MMP11: variants seen among roughly 807,000 people sequenced by gnomAD.
MMP11 encodes stromelysin-3.
MMP11 carries 26 observed loss-of-function variants against 49.5 expected under a neutral mutation model. That is an observed-to-expected ratio of 0.52 (90% CI 0.38 to 0.73). The LOEUF (loss-of-function observed/expected upper bound fraction) is 0.73. Ranked by LOEUF, MMP11 falls within the 30% of genes least tolerant of loss-of-function variation. The probability of loss-of-function intolerance (pLI) is 0.00; values close to 1 mark genes in which losing one functional copy is unlikely to be tolerated. For missense variants in MMP11, 624 were observed against 671.2 expected (o/e 0.93, Z 0.78); for synonymous variants, 265 against 282.3 (o/e 0.94, Z 0.62).
rs758325053 is a variant in MMP11, at chr22:23,780,264, C to T, written c.339-95C>T. 159 of 1,513,002 alleles carry T rather than the reference C, an allele frequency of 1.1e-4. No homozygotes were observed. The highest frequency in any genetic ancestry group is 1.3e-4 in the Non-Finnish European group (145 of 1,106,216). The allele number at this position is 1,513,002 out of a possible 1,614,324, so 93.7% of individuals were successfully genotyped here. ...ACACCTGGCCTGTGTCCTGAGTGTT[C>T]ACACACCCACCAAGCATCCAGGGGC... On this transcript the variant is annotated intron_variant, in intron 2 of 7. Coordinates refer to ENST00000215743, the MANE Select transcript of MMP11 (RefSeq NM_005940.5). The surrounding 1 kb of genome is among the most constrained non-coding windows in gnomAD (Gnocchi z 4.6).
intron 1 of MMP11, among the ~76,000 whole-genome samples, chr22:23,774,033 C>T (rs897157711): frequency 1.3e-5 from 2 of 152,222 alleles, no homozygotes; most frequent in Non-Finnish European, 2.9e-5. Flanking sequence ...GTCTTGCCTC[C>T]TTCCCAGCCC....
intron 1 of MMP11, among the ~76,000 whole-genome samples, chr22:23,776,838 C>T (rs1328924344): frequency 6.8e-6 from 1 of 147,818 alleles, no homozygotes; most frequent in Non-Finnish European, 1.5e-5. Flanking sequence ...GATGGAGTCT[C>T]GCTCTGTCAC....
intron 2 of MMP11, 111 bp downstream of exon 2, chr22:23,779,527 A>G (rs1184307798): frequency 2.0e-6 from 2 of 981,722 alleles, no homozygotes; most frequent in African/African-American, 3.3e-5. Flanking sequence ...TTCGTGTCTA[A>G]CAGACCTGTG....
rs1456021715 is a variant in MMP11 at position 23,781,274 on chromosome 22, G to C, written c.940G>C (p.Gly314Arg). 1.1e-5 allele frequency: 17 copies of C among 1,611,886 alleles called. No individual in the cohort carries two copies. The highest frequency in any genetic ancestry group is 1.4e-5 in the Non-Finnish European group (16 of 1,180,030). ...IRGELFFFKA[G>R]FVWRLRGGQL... ...AGGCGAGCTCTTTTTCTTCAAAGCG[G>C]GCTTTGTGTGGCGCCTCCGTGGGGG... The change falls in exon 6 of 8, where the codon GGC becomes CGC. Residue 314 changes from glycine (G) to arginine (R), a missense_variant. By Grantham distance (125) the Gly-to-Arg change is moderately radical. Coordinates refer to ENST00000215743, the MANE Select transcript of MMP11 (RefSeq NM_005940.5).
chr22:23,772,996 G>A lies in MMP11; in HGVS notation c.108+18G>A, dbSNP rs1483804704. On this transcript the variant is annotated intron_variant, in intron 1 of 7. Coordinates refer to ENST00000215743, the MANE Select transcript of MMP11 (RefSeq NM_005940.5). ...TGCCGCCGGTGAGTGCCCGCCACTC[G>A]CCGGCCGCTCCTCGCTGAGGGGGCG... is the stretch of plus-strand genomic sequence containing the variant. 3 of 1,177,994 alleles carry A rather than the reference G, an allele frequency of 2.5e-6. No homozygotes were observed. Among genetic ancestry groups the A allele is most frequent in the Non-Finnish European group, 3.1e-6 (3 of 953,730 alleles). 73.0% of individuals were successfully genotyped at this position (1,177,994 alleles called of 1,614,324 possible).
intron 1 of MMP11, among the ~76,000 whole-genome samples, chr22:23,775,324 C>T (rs951523166): frequency 2.7e-5 from 4 of 149,668 alleles, no homozygotes; most frequent in African/African-American, 9.9e-5. Flanking sequence ...CCAGTGGTGG[C>T]CTGTGTCTAC....
rs62642534 is a variant in MMP11, at chr22:23,782,272, C to T, written c.1122C>T (p.Pro374=). ...ACGGTGAAAAGCCAGTCCTGGGCCC[C>T]GCACCCCTCACCGAGCTGGGCCTGG... is the stretch of plus-strand genomic sequence containing the variant. ...VYDGEKPVLG[P]APLTELGLVR... is the part of the protein sequence containing the mutation. Residue 374 remains proline, a synonymous_variant, in exon 7 of 8, where the codon CCC becomes CCT. Coordinates refer to ENST00000215743, the MANE Select transcript of MMP11 (RefSeq NM_005940.5). The T allele has an allele frequency of 7.2e-4, 1,169 of 1,613,720 alleles. 4 individuals carry two copies. In the African/African-American group the frequency reaches 0.012, roughly 17 times the overall value.
intron 1 of MMP11, among the ~76,000 whole-genome samples, chr22:23,774,608 C>T (rs1293047928): frequency 6.6e-6 from 1 of 152,082 alleles, no homozygotes; most frequent in Non-Finnish European, 1.5e-5. Flanking sequence ...GAGAAGATAT[C>T]CCTGCTTGCC....
Position 23,783,405 on chromosome 22 carries a change from T to A in MMP11, c.1334-6T>A. On this transcript the variant is annotated splice_polypyrimidine_tract_variant and splice_region_variant and intron_variant, in intron 7 of 7. Transcript: ENST00000215743. ...TCGCCCAGGCTTGACCACCTTCTCT[T>A]CTCAGGCTATGCCTACTTCCTGCGC... 1 of 1,613,962 alleles carries A rather than the reference T, an allele frequency of 6.2e-7. No individual in the cohort carries two copies. The highest frequency in any genetic ancestry group is 1.1e-5 in the South Asian group (1 of 91,080).
At chr22:23,782,635 C>A (rs370334160) in intron 7 of MMP11, 152 bp downstream of exon 7, 31 of 932,310 alleles carry the variant, frequency 3.3e-5, no homozygotes, top group Middle Eastern at 3.4e-4. Context: ...TCTCGGTGGC[C>A]GGCTAGTGCT....
chr22:23,780,062 C>A lies in MMP11; in HGVS notation c.339-297C>A. 2.2e-6 allele frequency: 1 copy of A among 450,818 alleles called. No homozygotes were observed. The highest frequency in any genetic ancestry group is 4.0e-6 in the Non-Finnish European group (1 of 247,658). 27.9% of individuals were successfully genotyped at this position (450,818 alleles called of 1,614,324 possible). ...TGGGAACCAACAGGGGCTCAAGGAA[C>A]CAAGGTGTCCCCACAGTAAGTGGCA... On this transcript the variant is annotated intron_variant, in intron 2 of 7. Coordinates refer to ENST00000215743, the MANE Select transcript of MMP11 (RefSeq NM_005940.5). The surrounding 1 kb of genome is among the most constrained non-coding windows in gnomAD (Gnocchi z 4.6).
Position 23,772,862 on chromosome 22 carries a change from C to G in MMP11, c.-9C>G. 1 of 1,152,738 alleles carries G rather than the reference C, an allele frequency of 8.7e-7. No individual in the cohort carries two copies. The highest frequency in any genetic ancestry group is 1.1e-6 in the Non-Finnish European group (1 of 937,338). The allele number at this position is 1,152,738 out of a possible 1,614,324, so 71.4% of individuals were successfully genotyped here. On this transcript the variant is annotated 5_prime_UTR_variant, in exon 1 of 8. Transcript: ENST00000215743. Reference sequence around the variant, plus strand: ...GAGCGGCCCAGCAAGCCCAGCAGCCCCGGGGCGGATGGCTCCGGCCGCCTG... The same window carrying G: ...GAGCGGCCCAGCAAGCCCAGCAGCCGCGGGGCGGATGGCTCCGGCCGCCTG...
chr22:23,781,756 G>A lies in MMP11; in HGVS notation c.1075+347G>A, dbSNP rs1927642326. ...TGTGAGTGCAGCTGGGAAGAGGCAG[G>A]GCAGGGAATTGATCCAGGTCTATCA... On this transcript the variant is annotated intron_variant, in intron 6 of 7. Coordinates refer to ENST00000215743, the MANE Select transcript of MMP11 (RefSeq NM_005940.5). The A allele has an allele frequency of 4.9e-6, 3 of 616,844 alleles. No homozygotes were observed. The East Asian group carries it at 1.1e-4, about 22-fold the overall frequency. The allele number at this position is 616,844 out of a possible 1,614,324, so 38.2% of individuals were successfully genotyped here. A position where few individuals can be genotyped will look rare whatever the true frequency, so the allele number is the denominator to read the frequency against.
intron 1 of MMP11, among the ~76,000 whole-genome samples, chr22:23,774,479 G>C (rs1927341801): frequency 6.6e-6 from 1 of 152,172 alleles, no homozygotes; most frequent in East Asian, 1.9e-4. Flanking sequence ...ATCCAGCCCA[G>C]TTCCCAGCTT....
intron 2 of MMP11, chr22:23,779,639 C>T: frequency 1.7e-6 from 1 of 575,486 alleles, no homozygotes; most frequent in Non-Finnish European, 3.1e-6. Flanking sequence ...AGGGGCAGAG[C>T]CTCCGTCATC....
Position 23,772,978 on chromosome 22 carries a change from G to C in MMP11, c.108G>C (p.Pro36=), listed in dbSNP as rs1307110226. Residue 36 remains proline (P), a splice_region_variant and synonymous_variant, in exon 1 of 8, where the codon CCG becomes CCC. Transcript: ENST00000215743. The stretch of plus-strand genomic sequence containing the variant: ...CGCTGCTGGCCCGGGCTCTGCCGCC[G>C]GTGAGTGCCCGCCACTCGCCGGCCG... ...PPPLLARALP[P]DAHHLHAERR... 1 of 1,201,176 alleles carries C rather than the reference G, an allele frequency of 8.3e-7. No homozygotes were observed. 74.4% of individuals were successfully genotyped at this position (1,201,176 alleles called of 1,614,324 possible). A position where few individuals can be genotyped will look rare whatever the true frequency, so the allele number is the denominator to read the frequency against.
At chr22:23,773,655 A>G (rs1291188829) in intron 1 of MMP11, among the ~76,000 whole-genome samples, 1 of 152,158 alleles carries the variant, frequency 6.6e-6, no homozygotes, top group Non-Finnish European at 1.5e-5. Flanking sequence ...AAGCCCAGGT[A>G]AGAGAGGACA....
chr22:23,782,125 C>T lies in MMP11; in HGVS notation c.1076-101C>T, dbSNP rs928170287. 128 of 1,510,034 alleles carry T rather than the reference C, an allele frequency of 8.5e-5. 2 individuals are homozygous for T. In the Admixed American group the frequency reaches 1.8e-3, roughly 21 times the overall value. 93.5% of individuals were successfully genotyped at this position (1,510,034 alleles called of 1,614,324 possible). On this transcript the variant is annotated intron_variant, in intron 6 of 7. Coordinates refer to ENST00000215743, the MANE Select transcript of MMP11 (RefSeq NM_005940.5). The stretch of plus-strand genomic sequence containing the variant: ...CCTGCATGTTTTACTGATGAGGAAA[C>T]TGAGGCTGGGAGAGTCTGTGGTAGG...
intron 7 of MMP11, 30 bp from the exon 8 acceptor site, chr22:23,783,381 C>A: frequency 6.2e-7 from 1 of 1,611,450 alleles, no homozygotes; most frequent in Non-Finnish European, 8.5e-7. Context: ...AGTGTCCGCT[C>A]GCCCAGGCTT....
Sources: allele counts gnomAD v4.1 joint callset (sites outside exome capture counted in the v4.1 genomes callset), GRCh38; gene constraint gnomAD v4.1.1; non-coding constraint Gnocchi (gnomAD v3.1); transcripts MANE v1.5; gene names NCBI Gene and HGNC (gene_info 2026-07-23, HGNC 2026-07-21).